ATP8B1: variants seen among roughly 807,000 people sequenced by gnomAD.
The protein encoded by ATP8B1 is ATPase phospholipid transporting 8B1.
Under a neutral mutation model 149.9 loss-of-function variants are expected in ATP8B1, and 80 were observed. The ratio of observed to expected loss-of-function variants is 0.53; its 90% CI spans 0.45 to 0.64. ATP8B1 has a LOEUF of 0.64. Among genes scored for constraint, ATP8B1 ranks in the 30% least tolerant of loss-of-function variants. The probability of loss-of-function intolerance (pLI) is 0.00; values close to 1 mark genes in which losing one functional copy is unlikely to be tolerated. For missense variants in ATP8B1, 1,247 were observed against 1,552.6 expected, an observed-to-expected ratio of 0.80 and a Z score of 3.31; for synonymous variants, 536 against 562.8, an observed-to-expected ratio of 0.95 and a Z score of 0.67.
chr18:57,743,796 G>A (rs1280250858), intron 1 of ATP8B1, among the ~76,000 whole-genome samples: 2 of 152,156 alleles, frequency 1.3e-5, no homozygotes, highest in Non-Finnish European at 2.9e-5. Flanking sequence ...CATGGAAGGT[G>A]TCTGCAAAGG....
chr18:57,743,463 T>G (rs1343923802), intron 1 of ATP8B1, among the ~76,000 whole-genome samples: 1 of 152,150 alleles, frequency 6.6e-6, no homozygotes, highest in Non-Finnish European at 1.5e-5. Flanking sequence ...CCTACACCAG[T>G]GAATTCTAAA....
Position 57,648,632 on chromosome 18 carries a change from C to A in ATP8B1, c.3612G>T (p.Thr1204=), listed in dbSNP as rs1210135659. The change falls in exon 28 of 28, where the codon ACG becomes ACT. Residue 1204 remains threonine (T), a synonymous_variant. Transcript: ENST00000648908. ...RQQVFRRGVS[T]RRSAYAFSHQ... ...GCGAGAAGGCGTAGGCCGAGCGCCG[C>A]GTTGACACGCCCCGGCGGAACACCT... 1.9e-6 allele frequency: 3 copies of A among 1,603,114 alleles called. No individual in the cohort carries two copies. In the East Asian group the frequency reaches 6.8e-5, roughly 36 times the overall value.
chr18:57,650,618 G>A, intron 26 of ATP8B1, 121 bp from the exon 27 acceptor site: 1 of 1,236,826 alleles, frequency 8.1e-7, no homozygotes, highest in South Asian at 1.2e-5. Flanking sequence ...CAAGGTGGGT[G>A]GATTGCCAGA....
intron 1 of ATP8B1, among the ~76,000 whole-genome samples, chr18:57,741,822 T>C (rs1335822663): frequency 6.6e-6 from 1 of 152,174 alleles, no homozygotes; most frequent in African/African-American, 2.4e-5. Context: ...TCTATTTTCC[T>C]AGTTAGTCCA....
intron 2 of ATP8B1, among the ~76,000 whole-genome samples, chr18:57,707,606 T>A (rs1913472750): frequency 6.6e-6 from 1 of 151,264 alleles, no homozygotes; most frequent in Admixed American, 6.6e-5. Context: ...CCTCCCGGGT[T>A]CAAGTGATTC....
intron 1 of ATP8B1, among the ~76,000 whole-genome samples, chr18:57,782,199 G>C (rs1347097268): frequency 6.6e-6 from 1 of 152,238 alleles, no homozygotes; most frequent in Non-Finnish European, 1.5e-5. Flanking sequence ...AAGCCCTGCT[G>C]TCTATAGAAT....
chr18:57,787,844 C>A (rs934735368), intron 1 of ATP8B1, among the ~76,000 whole-genome samples: 1 of 152,076 alleles, frequency 6.6e-6, no homozygotes, highest in African/African-American at 2.4e-5. Context: ...AAATTTTATA[C>A]ATCTTCTAAA....
intron 5 of ATP8B1, 33 bp downstream of exon 5, chr18:57,701,182 C>G: frequency 6.2e-7 from 1 of 1,612,926 alleles, no homozygotes; most frequent in Non-Finnish European, 8.5e-7. Context: ...CAACTCAAAG[C>G]AATGAGTAGA....
chr18:57,676,738 A>G, intron 15 of ATP8B1, among the ~76,000 whole-genome samples: 1 of 139,108 alleles, frequency 7.2e-6, no homozygotes, highest in East Asian at 2.1e-4. Context: ...AAAAAAAAAA[A>G]GAAAGAAAGA....
Position 57,695,272 on chromosome 18 carries a change from A to G in ATP8B1, c.839T>C (p.Phe280Ser), listed in dbSNP as rs1555692584. Residue 280 changes from phenylalanine (F) to serine (S), a missense_variant, in exon 10 of 28, where the codon TTT becomes TCT. Phe to Ser is a radical substitution (Grantham distance 155). Around this residue, in one of 3 missense-constraint regions of ATP8B1, gnomAD observed 853 missense variants for 1,035.7 expected, o/e 0.82. Transcript: ENST00000648908. The stretch of plus-strand genomic sequence containing the variant: ...CAAAGGAAAACTTGTGTTTCTCCAA[A>G]ATAGTGTTCCTGTAAACTTATCTAG... ...NRLDKFTGTL[F>S]WRNTSFPLDA... 2 of 1,613,296 alleles carry G rather than the reference A, an allele frequency of 1.2e-6. No individual in the cohort carries two copies. The highest frequency in any genetic ancestry group is 1.3e-5 in the African/African-American group (1 of 74,918).
intron 12 of ATP8B1, among the ~76,000 whole-genome samples, chr18:57,691,405 G>T (rs968938795): frequency 6.6e-6 from 1 of 152,052 alleles, no homozygotes; most frequent in African/African-American, 2.4e-5. Context: ...GATAATAAAG[G>T]CTCAGATAAG....
intron 12 of ATP8B1, among the ~76,000 whole-genome samples, chr18:57,690,575 G>A (rs545861484): frequency 1.3e-5 from 2 of 152,322 alleles, no homozygotes; most frequent in South Asian, 4.1e-4. Flanking sequence ...CTTGACAAAG[G>A]TAACACTCAA....
intron 1 of ATP8B1, among the ~76,000 whole-genome samples, chr18:57,756,293 G>GTATATATA (rs755702972): frequency 1.1e-5 from 1 of 87,120 alleles, no homozygotes; most frequent in Non-Finnish European, 2.4e-5. Flanking sequence ...ATATATGTGT[G>GTATATATA]TGTGTATGTA....
At position 57,669,363 on chromosome 18, in the gene ATP8B1, G is replaced by A. The variant is rs370484798; in HGVS notation, c.2052C>T (p.Asp684=). The A allele has an allele frequency of 3.0e-5, 48 of 1,613,446 alleles. No homozygotes were observed. Among genetic ancestry groups the A allele is most frequent in the Non-Finnish European group, 3.8e-5 (45 of 1,179,916 alleles). ...MAASVASTNR[D]EALDKVYEEI... is the part of the protein sequence containing the mutation. ...CCTCATATACTTTATCCAGAGCTTCGTCCCGGTTGGTGGAGGCCACACTGG... is the reference window on the plus strand; with the variant it reads ...CCTCATATACTTTATCCAGAGCTTCATCCCGGTTGGTGGAGGCCACACTGG... The change falls in exon 18 of 28, where the codon GAC becomes GAT. Residue 684 remains aspartate (D), a synonymous_variant. Coordinates refer to ENST00000648908, the MANE Select transcript of ATP8B1 (RefSeq NM_001374385.1).
intron 1 of ATP8B1, among the ~76,000 whole-genome samples, chr18:57,739,212 G>T (rs1037037536): frequency 6.6e-6 from 1 of 152,050 alleles, no homozygotes; most frequent in Non-Finnish European, 1.5e-5. Context: ...TGGTCAGGCT[G>T]GTCTCGAACT....
chr18:57,794,772 CAG>C (rs775135992), intron 1 of ATP8B1, among the ~76,000 whole-genome samples: 1 of 147,888 alleles, frequency 6.8e-6, no homozygotes, highest in Non-Finnish European at 1.5e-5. Flanking sequence ...GCCTGGGCGA[CAG>C]AGCGAAACTC....
At chr18:57,789,519 C>T (rs1253229376) in intron 1 of ATP8B1, among the ~76,000 whole-genome samples, 1 of 152,234 alleles carries the variant, frequency 6.6e-6, no homozygotes, top group Admixed American at 6.5e-5. Flanking sequence ...TTATACTACC[C>T]TACACACATG....
intron 1 of ATP8B1, among the ~76,000 whole-genome samples, chr18:57,792,488 G>C (rs1021083361): frequency 2.0e-5 from 3 of 151,960 alleles, no homozygotes; most frequent in Non-Finnish European, 2.9e-5. Context: ...GTAAAAAGAT[G>C]ATCACAAAAG....
intron 1 of ATP8B1, among the ~76,000 whole-genome samples, chr18:57,776,826 C>A (rs540020649): frequency 1.4e-3 from 210 of 152,252 alleles, no homozygotes; most frequent in Admixed American, 3.1e-3. Context: ...TTTTCACCCC[C>A]CTTCCCTCAA....
Sources: allele counts gnomAD v4.1 joint callset (sites outside exome capture counted in the v4.1 genomes callset), GRCh38; gene constraint gnomAD v4.1.1; regional missense constraint gnomAD v4.1.1; transcripts MANE v1.5; gene names NCBI Gene and HGNC (gene_info 2026-07-23, HGNC 2026-07-21).